Variants in MOCS1 observed in about 807,000 individuals in gnomAD.
MOCS1 encodes molybdenum cofactor biosynthesis protein 1.
A neutral mutation model predicts 57.6 loss-of-function variants in MOCS1; 39 were observed. The ratio of observed to expected loss-of-function variants is 0.68; its 90% CI spans 0.52 to 0.88. The LOEUF is 0.88. Ranked by LOEUF, MOCS1 falls within the 40% of genes least tolerant of loss-of-function variation. MOCS1 has a pLI of 0.00. For missense variants in MOCS1, 795 were observed against 831.1 expected, an observed-to-expected ratio of 0.96 and a Z score of 0.53; for synonymous variants, 334 against 335.7, an observed-to-expected ratio of 1.00 and a Z score of 0.05.
Position 39,913,423 on chromosome 6 carries a change from G to A in MOCS1, c.651C>T (p.Asn217=). Residue 217 remains asparagine, a synonymous_variant, in exon 6 of 11, where the codon AAC becomes AAT. Transcript: ENST00000340692. ...IELGYNPVKV[N]CVVMRGLNED... ...CGTTAAGGCCTCGCATCACCACACA[G>A]TTCACCTGGCCGGGGAACAATGGGA... 6.2e-7 allele frequency: 1 copy of A among 1,614,044 alleles called. No individual in the cohort carries two copies. The highest frequency in any genetic ancestry group is 8.5e-7 in the Non-Finnish European group (1 of 1,179,884).
At chr6:39,908,746 C>T (rs1219411434) in intron 10 of MOCS1, among the ~76,000 whole-genome samples, 1 of 152,062 alleles carries the variant, frequency 6.6e-6, no homozygotes, top group Non-Finnish European at 1.5e-5. Context: ...CTGTTTTAAC[C>T]AGGATTTCAA....
Position 39,906,816 on chromosome 6 carries a change from A to G in MOCS1, c.1452T>C (p.His484=), listed in dbSNP as rs752840244. 8 of 1,614,142 alleles carry G rather than the reference A, an allele frequency of 5.0e-6. No homozygotes were observed. The highest frequency in any genetic ancestry group is 6.8e-6 in the Non-Finnish European group (8 of 1,180,016). The change falls in exon 11 of 11, where the codon CAT becomes CAC. Residue 484 remains histidine (H), a synonymous_variant. Transcript: ENST00000340692. ...GPQLTSEQLT[H]VDSEGRAAMV... Reference sequence around the variant, plus strand: ...TAGCTGCCCGTCCTTCCGAGTCCACATGAGTTAGTTGTTCTGAGGTTAGCT... The same window carrying G: ...TAGCTGCCCGTCCTTCCGAGTCCACGTGAGTTAGTTGTTCTGAGGTTAGCT...
intron 2 of MOCS1, among the ~76,000 whole-genome samples, chr6:39,926,307 T>C (rs62403567): frequency 0.083 from 12,590 of 152,202 alleles, 799 homozygotes; most frequent in South Asian, 0.29. Context: ...AAAGCTGCCG[T>C]CCTCTGTAGC....
intron 1 of MOCS1, among the ~76,000 whole-genome samples, chr6:39,928,463 C>T (rs976424737): frequency 2.6e-5 from 4 of 152,284 alleles, no homozygotes; most frequent in Admixed American, 6.5e-5. Flanking sequence ...CACACCCGAC[C>T]CTGATTCCAG....
chr6:39,923,501 C>T (rs1236395300), intron 3 of MOCS1, among the ~76,000 whole-genome samples: 3 of 152,276 alleles, frequency 2.0e-5, no homozygotes, highest in African/African-American at 7.2e-5. Flanking sequence ...CTCATCCCCT[C>T]TGCTCTCTCA....
chr6:39,926,236 A>G (rs1421153698), intron 2 of MOCS1, among the ~76,000 whole-genome samples: 1 of 152,138 alleles, frequency 6.6e-6, no homozygotes, highest in Non-Finnish European at 1.5e-5. Flanking sequence ...TGGCTATGGC[A>G]AACAGGTAGC....
rs116035280 is a variant in MOCS1, at chr6:39,916,196, C to G, written c.455G>C (p.Gly152Ala). The G allele has an allele frequency of 2.5e-6, 4 of 1,613,936 alleles. No individual in the cohort carries two copies. The South Asian group carries it at 3.3e-5, about 13-fold the overall frequency. ...CAGGTTGATGCCATTGGTGGTAACACCTATGGTTCTCAGCCCTTCCAGCCG... is the reference window on the plus strand; with the variant it reads ...CAGGTTGATGCCATTGGTGGTAACAGCTATGGTTCTCAGCCCTTCCAGCCG... ...LQRLEGLRTI[G>A]VTTNGINLAR... The change falls in exon 4 of 11, where the codon GGT (glycine) becomes GCT (alanine). Residue 152 changes from glycine to alanine, a missense_variant. Gly to Ala is a moderately conservative substitution (Grantham distance 60, BLOSUM62 0). This residue lies in a region of MOCS1 where 416 missense variants were observed against 392.4 expected (regional missense o/e 1.06). Transcript: ENST00000340692.
At chr6:39,930,755 C>A (rs1368030203) in intron 1 of MOCS1, among the ~76,000 whole-genome samples, 1 of 152,160 alleles carries the variant, frequency 6.6e-6, no homozygotes, top group East Asian at 1.9e-4. Context: ...GTGCCAGGTG[C>A]TATTTTAATC....
chr6:39,906,313 C>T lies in MOCS1; in HGVS notation c.*44G>A. On this transcript the variant is annotated 3_prime_UTR_variant, in exon 11 of 11. Coordinates refer to ENST00000340692, the MANE Select transcript of MOCS1 (RefSeq NM_001358530.2). ...GTCTTTCCCTCAGCCTACATTGCAT[C>T]CCAGCTCCAGGCCTGGGTGGGCCAT... 6.2e-7 allele frequency: 1 copy of T among 1,600,932 alleles called. No individual in the cohort carries two copies. The highest frequency in any genetic ancestry group is 8.5e-7 in the Non-Finnish European group (1 of 1,171,102).
chr6:39,913,267 TGCAG>T, intron 6 of MOCS1, 46 bp downstream of exon 6: 1 of 1,522,578 alleles, frequency 6.6e-7, no homozygotes, highest in Non-Finnish European at 9.1e-7. Flanking sequence ...CTATGCGACC[TGCAG>T]GCCCAACCCC....
At chr6:39,923,209 C>T (rs1054976070) in intron 3 of MOCS1, among the ~76,000 whole-genome samples, 1 of 152,184 alleles carries the variant, frequency 6.6e-6, no homozygotes, top group African/African-American at 2.4e-5. Context: ...GTGGCGATCA[C>T]CCCTTGCCCA....
chr6:39,913,639 A>G lies in MOCS1; in HGVS notation c.645+135T>C, dbSNP rs1767475989. 2.8e-6 allele frequency: 3 copies of G among 1,087,214 alleles called. No homozygotes were observed. The East Asian group carries it at 7.1e-5, about 26-fold the overall frequency. 67.3% of individuals were successfully genotyped at this position (1,087,214 alleles called of 1,614,324 possible). A position where few individuals can be genotyped will look rare whatever the true frequency, so the allele number is the denominator to read the frequency against. The stretch of plus-strand genomic sequence containing the variant: ...GCAGGGCTGGACCAGCAGGGAGAGA[A>G]GAGGTGGAAGGGTGCACGTACTTCA... On this transcript the variant is annotated intron_variant, in intron 5 of 10. Transcript: ENST00000340692.
At chr6:39,928,929 A>C (rs945278444) in intron 1 of MOCS1, among the ~76,000 whole-genome samples, 1 of 152,240 alleles carries the variant, frequency 6.6e-6, no homozygotes, top group Non-Finnish European at 1.5e-5. Flanking sequence ...CCAGCTGCAC[A>C]TTAGAACCAT....
In MOCS1 at chr6:39,904,237, T is replaced by C. The variant is rs1033581828; in HGVS notation, c.*2120A>G. 4.4e-6 allele frequency: 2 copies of C among 456,664 alleles called. No homozygotes were observed. Among genetic ancestry groups the C allele is most frequent in the Non-Finnish European group, 8.8e-6 (2 of 226,994 alleles). 28.3% of individuals were successfully genotyped at this position (456,664 alleles called of 1,614,324 possible). The stretch of plus-strand genomic sequence containing the variant: ...ACTGTTGACAGAGGACACAAATACG[T>C]TGTTCCAGAGCTCAGCCTTCTCACT... On this transcript the variant is annotated 3_prime_UTR_variant, in exon 11 of 11. Transcript: ENST00000340692.
chr6:39,917,640 G>A (rs1767737750), intron 3 of MOCS1, among the ~76,000 whole-genome samples: 1 of 152,116 alleles, frequency 6.6e-6, no homozygotes, highest in East Asian at 1.9e-4. Flanking sequence ...ATTTAAGGAA[G>A]AAGCATGAAA....
intron 3 of MOCS1, among the ~76,000 whole-genome samples, chr6:39,919,292 C>T (rs1767833060): frequency 6.6e-6 from 1 of 152,120 alleles, no homozygotes; most frequent in African/African-American, 2.4e-5. Flanking sequence ...CAAGACCAGC[C>T]TGCCCAACGT....
intron 1 of MOCS1, chr6:39,932,520 G>A (rs1768694403): frequency 6.6e-6 from 1 of 152,236 alleles, no homozygotes; most frequent in African/African-American, 2.4e-5. Flanking sequence ...GTTTCAAGCA[G>A]CTACAATTAT....
chr6:39,934,257 G>T, intron 1 of MOCS1, 38 bp downstream of exon 1: 2 of 1,512,376 alleles, frequency 1.3e-6, no homozygotes, highest in East Asian at 2.4e-5. Flanking sequence ...GGCCACTCCT[G>T]CCCCGGGAAG....
chr6:39,922,399 A>G (rs1379844269), intron 3 of MOCS1, among the ~76,000 whole-genome samples: 1 of 152,122 alleles, frequency 6.6e-6, no homozygotes, highest in Non-Finnish European at 1.5e-5. Flanking sequence ...TTCTAAAAAC[A>G]TTAGATTTTT....
Sources: gnomAD v4.1 joint callset for allele counts (sites outside exome capture counted in the v4.1 genomes callset) on GRCh38, gnomAD v4.1.1 for gene constraint, gnomAD v4.1.1 regional missense constraint, MANE v1.5 for transcripts, NCBI Gene and HGNC (gene_info 2026-07-23, HGNC 2026-07-21) for gene names.